The following CNTN4 variants were observed in gnomAD, a reference collection of about 807,000 sequenced individuals.
CNTN4 encodes contactin-4.
Under a neutral mutation model 122.5 loss-of-function variants are expected in CNTN4, and 77 were observed. The ratio of observed to expected loss-of-function variants is 0.63; its 90% confidence interval spans 0.52 to 0.76. The LOEUF (loss-of-function observed/expected upper bound fraction) is 0.76, where lower values mean the gene tolerates loss of function less well. CNTN4 is among the 30% of genes least tolerant of loss of function. CNTN4 has a pLI of 0.00. For synonymous variants in CNTN4, 512 were observed against 447.0 expected (o/e 1.15, Z -1.83); for missense variants, 1,256 against 1,259.1 (o/e 1.00, Z 0.04).
intron 4 of CNTN4, among the ~76,000 whole-genome samples, chr3:2,593,096 T>C (rs1319408371): frequency 6.6e-6 from 1 of 152,216 alleles, no homozygotes; most frequent in Non-Finnish European, 1.5e-5. Context: ...TGTTGGATTT[T>C]CCCAACTAAT....
intron 4 of CNTN4, among the ~76,000 whole-genome samples, chr3:2,606,136 G>A (rs1052622622): frequency 3.9e-5 from 6 of 152,148 alleles, no homozygotes; most frequent in Non-Finnish European, 5.9e-5. Context: ...AATATCGAAT[G>A]GGGGGACAAA....
At chr3:2,476,862 T>C (rs1233724410) in intron 3 of CNTN4, among the ~76,000 whole-genome samples, 2 of 152,222 alleles carry the variant, frequency 1.3e-5, no homozygotes, top group Non-Finnish European at 2.9e-5. Flanking sequence ...GTTGGTATCA[T>C]TTTATTTTTT....
chr3:2,420,104 A>T (rs2047560199), intron 3 of CNTN4, among the ~76,000 whole-genome samples: 1 of 152,184 alleles, frequency 6.6e-6, no homozygotes, highest in African/African-American at 2.4e-5. Context: ...GACTCCCTGC[A>T]GCTGGTGCTG....
intron 7 of CNTN4, among the ~76,000 whole-genome samples, chr3:2,846,913 C>T (rs2093466257): frequency 6.6e-6 from 1 of 152,146 alleles, no homozygotes; most frequent in South Asian, 2.1e-4. Context: ...AGGAGAATCG[C>T]TTGAACTCAA....
rs552097829 is a variant in CNTN4, at chr3:2,352,308, T to C, written c.-89+13075T>C. On this transcript the variant is annotated intron_variant, in intron 3 of 24. Coordinates refer to ENST00000418658, the MANE Select transcript of CNTN4 (RefSeq NM_175607.3). ...CACTCTGGCCGCACTTGAGGAACAC[T>C]TCAGCCTGCCGCTGCACTGTGGGAG... is the stretch of plus-strand genomic sequence containing the variant. Among the ~76,000 whole-genome samples, 420 of 152,276 alleles carry C rather than the reference T, an allele frequency of 2.8e-3. 4 individuals carry two copies. Among genetic ancestry groups the C allele is most frequent in the Middle Eastern group, 0.014 (4 of 294 alleles).
At chr3:2,985,673 A>G (rs2125255712) in intron 13 of CNTN4, 1 of 152,274 alleles carries the variant, frequency 6.6e-6, no homozygotes, top group Admixed American at 6.5e-5. Flanking sequence ...AAAGCAACAT[A>G]GGCACCGCCA....
intron 6 of CNTN4, among the ~76,000 whole-genome samples, chr3:2,794,614 C>T (rs1347018537): frequency 1.3e-5 from 2 of 152,138 alleles, no homozygotes; most frequent in African/African-American, 2.4e-5. Context: ...ATCACTTGAC[C>T]GCTCAAGGCT....
chr3:3,027,994 G>T (rs1193504281), intron 15 of CNTN4, among the ~76,000 whole-genome samples: 1 of 152,128 alleles, frequency 6.6e-6, no homozygotes, highest in Non-Finnish European at 1.5e-5. Context: ...GAAAATTAAG[G>T]ACAGCACAAC....
chr3:2,682,805 A>G (rs1467289088), intron 4 of CNTN4, among the ~76,000 whole-genome samples: 3 of 152,120 alleles, frequency 2.0e-5, no homozygotes, highest in African/African-American at 7.2e-5. Context: ...CCTTTTAGCT[A>G]TTATTAGTCA....
intron 13 of CNTN4, among the ~76,000 whole-genome samples, 161 bp from the exon 14 acceptor site, chr3:2,988,184 T>C (rs1694750786): frequency 6.6e-6 from 1 of 152,200 alleles, no homozygotes; most frequent in Admixed American, 6.5e-5. Flanking sequence ...TGTTTATGTA[T>C]ATGTGGACAA....
At position 2,145,104 on chromosome 3, in the gene CNTN4, G is replaced by A. The variant is rs564954182; in HGVS notation, c.-145+44465G>A. On this transcript the variant is annotated intron_variant, in intron 2 of 24. Coordinates refer to ENST00000418658, the MANE Select transcript of CNTN4 (RefSeq NM_175607.3). Reference sequence around the variant, plus strand: ...TTATTCATAATTTTCTCTTATGAAAGAGAGTGGTTTTCAACTTCACAATTC... The same window carrying A: ...TTATTCATAATTTTCTCTTATGAAAAAGAGTGGTTTTCAACTTCACAATTC... Among the ~76,000 whole-genome samples the A allele has an allele frequency of 3.1e-3, 474 of 152,364 alleles. 2 individuals carry two copies. Among genetic ancestry groups the A allele is most frequent in the Non-Finnish European group, 5.2e-3 (351 of 68,038 alleles).
At chr3:2,443,047 T>C (rs1312151172) in intron 3 of CNTN4, among the ~76,000 whole-genome samples, 1 of 151,902 alleles carries the variant, frequency 6.6e-6, no homozygotes, top group Non-Finnish European at 1.5e-5. Context: ...TTACTGGGCT[T>C]AATATCTGGG....
intron 2 of CNTN4, among the ~76,000 whole-genome samples, chr3:2,171,780 T>C (rs954872523): frequency 2.0e-5 from 3 of 152,206 alleles, no homozygotes; most frequent in Non-Finnish European, 4.4e-5. Flanking sequence ...TAGTATACTG[T>C]ATTTACTTGA....
chr3:2,869,232 T>G (rs1407430427), intron 8 of CNTN4, among the ~76,000 whole-genome samples: 1 of 152,262 alleles, frequency 6.6e-6, no homozygotes, highest in Admixed American at 6.5e-5. Flanking sequence ...TTAGCTGCTA[T>G]GTGGAAAACG....
intron 3 of CNTN4, among the ~76,000 whole-genome samples, chr3:2,359,761 T>C (rs562503485): frequency 3.3e-5 from 5 of 152,216 alleles, no homozygotes; most frequent in African/African-American, 1.2e-4. Flanking sequence ...GGAAGGTCTC[T>C]ATCTCCTGAC....
chr3:2,437,079 T>C (rs1362778164), intron 3 of CNTN4, among the ~76,000 whole-genome samples: 1 of 152,082 alleles, frequency 6.6e-6, no homozygotes, highest in African/African-American at 2.4e-5. Flanking sequence ...AGACAGATTG[T>C]GTTAAGTGTT....
At chr3:2,675,891 G>T (rs1559375769) in intron 4 of CNTN4, among the ~76,000 whole-genome samples, 2 of 152,122 alleles carry the variant, frequency 1.3e-5, no homozygotes, top group Non-Finnish European at 2.9e-5. Context: ...CTAGGTTCTA[G>T]ATTTATTATC....
At chr3:2,953,115 T>C (rs1237187639) in intron 13 of CNTN4, among the ~76,000 whole-genome samples, 1 of 152,218 alleles carries the variant, frequency 6.6e-6, no homozygotes, top group Admixed American at 6.5e-5. Context: ...GTGTCCACTA[T>C]ATGAAGCATC....
intron 6 of CNTN4, among the ~76,000 whole-genome samples, chr3:2,786,525 G>T (rs1362765709): frequency 2.0e-5 from 3 of 152,174 alleles, no homozygotes; most frequent in Non-Finnish European, 4.4e-5. Context: ...GTCCTGTGAA[G>T]GGATCAAGGG....
Sources: allele counts gnomAD v4.1 joint callset (sites outside exome capture counted in the v4.1 genomes callset), GRCh38; gene constraint gnomAD v4.1.1; transcripts MANE v1.5; gene names NCBI Gene and HGNC (gene_info 2026-07-23, HGNC 2026-07-21).